The following BTRC variants were observed in gnomAD, a reference collection of about 807,000 sequenced individuals.
The protein encoded by BTRC is F-box/WD repeat-containing protein 1A.
BTRC carries 42 observed loss-of-function variants against 85.5 expected under a neutral mutation model. The observed-to-expected ratio is 0.49, with a 90% CI of 0.38 to 0.64. The LOEUF is 0.64. BTRC is among the 30% of genes least tolerant of loss of function. BTRC has a pLI of 0.00. For synonymous variants in BTRC, 255 were observed against 263.3 expected (o/e 0.97, Z 0.30); for missense variants, 594 against 743.5 (o/e 0.80, Z 2.34).
intron 6 of BTRC, among the ~76,000 whole-genome samples, chr10:101,528,521 G>A (rs1362218738): frequency 6.6e-6 from 1 of 152,060 alleles, no homozygotes; most frequent in Non-Finnish European, 1.5e-5. Flanking sequence ...ATCCTTCAGA[G>A]TTCTGACTAT....
intron 3 of BTRC, among the ~76,000 whole-genome samples, chr10:101,463,361 G>T (rs1371638260): frequency 2.0e-5 from 3 of 151,764 alleles, no homozygotes; most frequent in Non-Finnish European, 2.9e-5. Context: ...TGTATTTTTA[G>T]TAGAGACAGG....
At chr10:101,388,516 G>A (rs979593983) in intron 1 of BTRC, among the ~76,000 whole-genome samples, 2 of 150,396 alleles carry the variant, frequency 1.3e-5, no homozygotes, top group African/African-American at 4.9e-5. Flanking sequence ...TTGAGACAGG[G>A]TCTCATTCTG....
intron 1 of BTRC, among the ~76,000 whole-genome samples, chr10:101,379,106 G>A: frequency 6.6e-6 from 1 of 152,162 alleles, no homozygotes; most frequent in East Asian, 1.9e-4. Flanking sequence ...GAAGAATCCT[G>A]CTTTATCAAA....
rs2134368388 is a variant in BTRC, at chr10:101,521,573, A to G, written c.325-66A>G. The G allele has an allele frequency of 2.5e-6, 3 of 1,177,784 alleles. No individual in the cohort carries two copies. The East Asian group carries it at 7.5e-5, about 30-fold the overall frequency. The allele number at this position is 1,177,784 out of a possible 1,614,324, so 73.0% of individuals were successfully genotyped here. A position where few individuals can be genotyped will look rare whatever the true frequency, so the allele number is the denominator to read the frequency against. On this transcript the variant is annotated intron_variant, in intron 4 of 14. Transcript: ENST00000370187. The stretch of plus-strand genomic sequence containing the variant: ...CATAATATAGCATGCCATACCAGAA[A>G]ATCATATATATTTCCCTCATTTTCA...
intron 1 of BTRC, among the ~76,000 whole-genome samples, chr10:101,397,264 A>G (rs918301871): frequency 6.6e-6 from 1 of 152,234 alleles, no homozygotes; most frequent in African/African-American, 2.4e-5. Context: ...TTGTGTTGTT[A>G]TGGCAACTCA....
At chr10:101,530,938 C>T (rs76921204) in intron 6 of BTRC, among the ~76,000 whole-genome samples, 2 of 152,270 alleles carry the variant, frequency 1.3e-5, no homozygotes, top group African/African-American at 4.8e-5. Context: ...CTTTGGGAGG[C>T]CAAGCAGGCG....
At chr10:101,366,995 A>T (rs1386281653) in intron 1 of BTRC, among the ~76,000 whole-genome samples, 1,102 of 32,616 alleles carry the variant, frequency 0.034, 236 homozygotes, top group Non-Finnish European at 0.063. Flanking sequence ...TATATATATT[A>T]ATATATATAT....
At chr10:101,412,896 A>G (rs998804760) in intron 1 of BTRC, among the ~76,000 whole-genome samples, 8 of 152,240 alleles carry the variant, frequency 5.3e-5, no homozygotes, top group African/African-American at 1.9e-4. Flanking sequence ...TTTTATAGAA[A>G]TAGATAATCA....
intron 3 of BTRC, among the ~76,000 whole-genome samples, chr10:101,475,694 A>C (rs1271867077): frequency 6.6e-6 from 1 of 151,876 alleles, no homozygotes; most frequent in African/African-American, 2.4e-5. Context: ...ATATCTCTTC[A>C]TGCTGATATA....
At chr10:101,420,169 A>G (rs995673066) in intron 1 of BTRC, among the ~76,000 whole-genome samples, 5 of 151,858 alleles carry the variant, frequency 3.3e-5, no homozygotes, top group African/African-American at 1.2e-4. Flanking sequence ...CAGCAATGTA[A>G]TATTCATTCT....
chr10:101,448,823 T>TC (rs1367285459), intron 2 of BTRC, among the ~76,000 whole-genome samples: 1 of 151,930 alleles, frequency 6.6e-6, no homozygotes, highest in Non-Finnish European at 1.5e-5. Context: ...ATTTTTTTTT[T>TC]CTCCCTATAT....
At chr10:101,475,354 A>G (rs1209997095) in intron 3 of BTRC, among the ~76,000 whole-genome samples, 1 of 152,200 alleles carries the variant, frequency 6.6e-6, no homozygotes, top group Admixed American at 6.5e-5. Context: ...AGCCTGGCCA[A>G]CATGGTAAAA....
At chr10:101,394,317 A>G (rs1943311081) in intron 1 of BTRC, among the ~76,000 whole-genome samples, 1 of 152,218 alleles carries the variant, frequency 6.6e-6, no homozygotes, top group Non-Finnish European at 1.5e-5. Flanking sequence ...TAATATAATG[A>G]ATCTTTATAA....
chr10:101,508,812 G>A (rs994436857), intron 4 of BTRC, among the ~76,000 whole-genome samples: 6 of 150,928 alleles, frequency 4.0e-5, no homozygotes, highest in Non-Finnish European at 8.8e-5. Flanking sequence ...TACTGGGGAG[G>A]CTGAGGCAGG....
chr10:101,374,484 G>C (rs1942732535), intron 1 of BTRC, among the ~76,000 whole-genome samples: 2 of 149,882 alleles, frequency 1.3e-5, no homozygotes, highest in South Asian at 4.3e-4. Flanking sequence ...CCTTTGTAGG[G>C]ACATGGATGA....
At chr10:101,415,504 A>G (rs1233187997) in intron 1 of BTRC, among the ~76,000 whole-genome samples, 2 of 3,838 alleles carry the variant, frequency 5.2e-4, no homozygotes, top group Non-Finnish European at 6.8e-3. Flanking sequence ...ATGTTATGTT[A>G]TGTTATGTTA....
At chr10:101,407,111 G>A (rs1329323743) in intron 1 of BTRC, among the ~76,000 whole-genome samples, 6 of 152,088 alleles carry the variant, frequency 3.9e-5, no homozygotes, top group South Asian at 2.1e-4. Flanking sequence ...TAATCCCAGC[G>A]TTTTAGGAGG....
chr10:101,437,445 G>T (rs1307498988), intron 2 of BTRC, among the ~76,000 whole-genome samples: 1 of 152,040 alleles, frequency 6.6e-6, no homozygotes, highest in Non-Finnish European at 1.5e-5. Context: ...CCAAATAATG[G>T]TTTCATTTTT....
At chr10:101,380,174 A>T (rs77453716) in intron 1 of BTRC, among the ~76,000 whole-genome samples, 3,116 of 152,260 alleles carry the variant, frequency 0.02, 50 homozygotes, top group Middle Eastern at 0.058. Context: ...GATGTCATAG[A>T]TATTGGGCAT....
Sources: allele counts gnomAD v4.1 joint callset (sites outside exome capture counted in the v4.1 genomes callset), GRCh38; gene constraint gnomAD v4.1.1; transcripts MANE v1.5; gene names NCBI Gene and HGNC (gene_info 2026-07-23, HGNC 2026-07-21).